GHR: variants seen among roughly 807,000 people sequenced by gnomAD.
GHR encodes the protein growth hormone receptor.
GHR carries 35 observed loss-of-function variants against 67.1 expected under a neutral mutation model. The observed-to-expected ratio is 0.52, with a 90% confidence interval of 0.40 to 0.69. GHR has a LOEUF of 0.69. Ranked by LOEUF, GHR falls within the 30% of genes least tolerant of loss-of-function variation. The probability of loss-of-function intolerance (pLI) is 0.00; values close to 1 mark genes in which losing one functional copy is unlikely to be tolerated. For synonymous variants in GHR, 272 were observed against 269.1 expected (o/e 1.01, Z -0.10); for missense variants, 792 against 764.6 (o/e 1.04, Z -0.42).
intron 3 of GHR, among the ~76,000 whole-genome samples, chr5:42,663,705 C>T (rs1755791270): frequency 6.6e-6 from 1 of 152,206 alleles, no homozygotes; most frequent in African/African-American, 2.4e-5. Flanking sequence ...TGACCTCTCT[C>T]ACCACTCCTA....
Position 42,699,027 on chromosome 5 carries a change from A to G in GHR, c.440-797A>G, listed in dbSNP as rs111851408. On this transcript the variant is annotated intron_variant, in intron 5 of 9. Transcript: ENST00000230882. Reference sequence around the variant, plus strand: ...AGAACCTGAGGAAAACAATGTTTCAAGTTGTTCATGTGACAGTCAAAAAGA... The same window carrying G: ...AGAACCTGAGGAAAACAATGTTTCAGGTTGTTCATGTGACAGTCAAAAAGA... Among the ~76,000 whole-genome samples, 1,189 of 152,340 alleles carry G rather than the reference A, an allele frequency of 7.8e-3. 17 individuals are homozygous for G. The highest frequency in any genetic ancestry group is 0.026 in the African/African-American group (1,077 of 41,586).
At chr5:42,665,683 A>G (rs1755925135) in intron 3 of GHR, among the ~76,000 whole-genome samples, 1 of 152,028 alleles carries the variant, frequency 6.6e-6, no homozygotes, top group African/African-American at 2.4e-5. Context: ...CCAGCATGCC[A>G]CATGTATACA....
intron 2 of GHR, among the ~76,000 whole-genome samples, chr5:42,618,835 A>C (rs922673203): frequency 6.6e-6 from 1 of 152,130 alleles, no homozygotes; most frequent in African/African-American, 2.4e-5. Flanking sequence ...ACAAAGACCC[A>C]AGCAGACATG....
intron 3 of GHR, among the ~76,000 whole-genome samples, chr5:42,644,488 A>G (rs780100944): frequency 1.1e-4 from 17 of 152,176 alleles, no homozygotes; most frequent in Non-Finnish European, 2.4e-4. Context: ...GGATTTATAC[A>G]AACTTAAGAG....
At chr5:42,460,024 C>G (rs1178047538) in intron 1 of GHR, among the ~76,000 whole-genome samples, 1 of 152,138 alleles carries the variant, frequency 6.6e-6, no homozygotes, top group African/African-American at 2.4e-5. Flanking sequence ...CTGTGAGGAG[C>G]TGGTAAAAGT....
At chr5:42,532,203 C>A (rs1748003272) in intron 1 of GHR, among the ~76,000 whole-genome samples, 1 of 152,054 alleles carries the variant, frequency 6.6e-6, no homozygotes, top group Admixed American at 6.6e-5. Context: ...TGAGGGTCAA[C>A]CCTTGAGCCA....
chr5:42,580,630 G>C (rs1254262793), intron 2 of GHR, among the ~76,000 whole-genome samples: 1 of 152,150 alleles, frequency 6.6e-6, no homozygotes, highest in East Asian at 1.9e-4. Flanking sequence ...TGAGGAAGCC[G>C]AGGCCCAGAG....
At chr5:42,660,984 G>A (rs533666596) in intron 3 of GHR, among the ~76,000 whole-genome samples, 9 of 152,328 alleles carry the variant, frequency 5.9e-5, no homozygotes, top group South Asian at 2.1e-4. Flanking sequence ...GAGCCGATGC[G>A]ATCAGCTGGT....
rs1554049970 is a variant in GHR at position 42,423,812 on chromosome 5, A to AGCGGCG, written c.-154_-153insCGGCGG. On this transcript the variant is annotated 5_prime_UTR_variant, in exon 1 of 10. Coordinates refer to ENST00000230882, the MANE Select transcript of GHR (RefSeq NM_000163.5). ...CGGCAGCGGCAGCAGCAGCTGCTAC[A>AGCGGCG]GTGGCGGTGGCGGCGGCGGCTGCTG... 6.1e-6 allele frequency: 1 copy of AGCGGCG among 164,206 alleles called. No individual in the cohort carries two copies. Among genetic ancestry groups the AGCGGCG allele is most frequent in the African/African-American group, 2.4e-5 (1 of 41,484 alleles). The allele number at this position is 164,206 out of a possible 1,614,324, so 10.2% of individuals were successfully genotyped here.
At chr5:42,681,884 C>T (rs1160205330) in intron 3 of GHR, among the ~76,000 whole-genome samples, 1 of 136,746 alleles carries the variant, frequency 7.3e-6, no homozygotes, top group Non-Finnish European at 1.5e-5. Flanking sequence ...TGCAGTGAGC[C>T]GAGATAGCGC....
chr5:42,619,244 C>A (rs1054346658), intron 2 of GHR, among the ~76,000 whole-genome samples: 6 of 151,942 alleles, frequency 3.9e-5, no homozygotes, highest in African/African-American at 1.5e-4. Flanking sequence ...GCTGCAAGAC[C>A]CTGCAACATC....
chr5:42,572,739 C>T (rs902076651), intron 2 of GHR, among the ~76,000 whole-genome samples: 8 of 152,136 alleles, frequency 5.3e-5, no homozygotes, highest in South Asian at 2.1e-4. Context: ...TCACAGTGTA[C>T]GCATCACATT....
At chr5:42,428,666 A>G (rs1484361587) in intron 1 of GHR, among the ~76,000 whole-genome samples, 1 of 152,202 alleles carries the variant, frequency 6.6e-6, no homozygotes, top group South Asian at 2.1e-4. Flanking sequence ...TCTCAAGTTT[A>G]AAGTTCCACA....
At chr5:42,468,549 T>G (rs1212330902) in intron 1 of GHR, 2 of 848,610 alleles carry the variant, frequency 2.4e-6, no homozygotes, top group Non-Finnish European at 1.9e-6. Context: ...ACAATGACCC[T>G]TATTCCTTCT....
At chr5:42,440,584 A>C (rs982257301) in intron 1 of GHR, among the ~76,000 whole-genome samples, 5 of 152,096 alleles carry the variant, frequency 3.3e-5, no homozygotes, top group Non-Finnish European at 7.4e-5. Flanking sequence ...GCAATAGAAA[A>C]CCATTGAAGG....
At chr5:42,580,232 A>G (rs1199328877) in intron 2 of GHR, among the ~76,000 whole-genome samples, 2 of 152,150 alleles carry the variant, frequency 1.3e-5, no homozygotes, top group African/African-American at 4.8e-5. Flanking sequence ...AACACAGCAA[A>G]TACTTATTGA....
At chr5:42,641,360 C>T (rs867200057) in intron 3 of GHR, among the ~76,000 whole-genome samples, 53 of 152,222 alleles carry the variant, frequency 3.5e-4, no homozygotes, top group Middle Eastern at 3.4e-3. Flanking sequence ...TATATATGTA[C>T]GAGCCCCTAG....
At chr5:42,453,516 T>G (rs1744136433) in intron 1 of GHR, among the ~76,000 whole-genome samples, 1 of 152,152 alleles carries the variant, frequency 6.6e-6, no homozygotes. Flanking sequence ...AGTGGGAGCT[T>G]CCTCAGCTCC....
Position 42,718,252 on chromosome 5 carries a change from A to T in GHR, c.945+131A>T. 4.2e-6 allele frequency: 3 copies of T among 716,104 alleles called. No homozygotes were observed. The South Asian group carries it at 5.2e-5, about 12-fold the overall frequency. The allele number at this position is 716,104 out of a possible 1,614,324, so 44.4% of individuals were successfully genotyped here. On this transcript the variant is annotated intron_variant, in intron 9 of 9. Transcript: ENST00000230882. Reference sequence around the variant, plus strand: ...TCTTGTGTCTCTTCTCCTGGAGAAAATTTTTTTAAATATTCTATTTCTTAA... The same window carrying T: ...TCTTGTGTCTCTTCTCCTGGAGAAATTTTTTTTAAATATTCTATTTCTTAA...
Sources: gnomAD v4.1 joint callset for allele counts (sites outside exome capture counted in the v4.1 genomes callset) on GRCh38, gnomAD v4.1.1 for gene constraint, MANE v1.5 for transcripts, NCBI Gene and HGNC (gene_info 2026-07-23, HGNC 2026-07-21) for gene names.